The following STK10 variants were observed in gnomAD, a reference collection of about 807,000 sequenced individuals.
STK10 encodes serine/threonine-protein kinase 10.
Under a neutral mutation model 113.8 loss-of-function variants are expected in STK10, and 78 were observed. The ratio of observed to expected loss-of-function variants is 0.69; its 90% CI spans 0.57 to 0.83. The LOEUF (loss-of-function observed/expected upper bound fraction) is 0.83. Among genes scored for constraint, STK10 ranks in the 40% least tolerant of loss-of-function variants. The probability of loss-of-function intolerance (pLI) is 0.00; values close to 1 mark genes in which losing one functional copy is unlikely to be tolerated. For synonymous variants in STK10, 465 were observed against 494.7 expected, an observed-to-expected ratio of 0.94 and a Z score of 0.80; for missense variants, 1,109 against 1,280.1, an observed-to-expected ratio of 0.87 and a Z score of 2.04.
chr5:172,096,804 C>T (rs1768865530), intron 7 of STK10, among the ~76,000 whole-genome samples: 1 of 152,202 alleles, frequency 6.6e-6, no homozygotes, highest in Non-Finnish European at 1.5e-5. Context: ...CTCTGAGCCA[C>T]AGGCTCCTCA....
intron 2 of STK10, among the ~76,000 whole-genome samples, chr5:172,152,528 T>C (rs1160640333): frequency 6.6e-6 from 1 of 152,200 alleles, no homozygotes; most frequent in Non-Finnish European, 1.5e-5. Flanking sequence ...CATCTAGAGC[T>C]TCACTGTCTA....
intron 1 of STK10, among the ~76,000 whole-genome samples, chr5:172,167,166 A>G (rs9687652): frequency 0.36 from 52,110 of 143,158 alleles, 9,024 homozygotes; most frequent in African/African-American, 0.52. Flanking sequence ...CTCAAAAAAA[A>G]AAAAAGAAAA....
intron 3 of STK10, 128 bp from the exon 4 acceptor site, chr5:172,117,758 TA>T (rs946191706): frequency 7.8e-7 from 1 of 1,283,386 alleles, no homozygotes; most frequent in African/African-American, 1.5e-5. Flanking sequence ...CTCACGCCTG[TA>T]ATCCCAGCAC....
At chr5:172,177,333 G>A (rs1770777281) in intron 1 of STK10, among the ~76,000 whole-genome samples, 1 of 152,196 alleles carries the variant, frequency 6.6e-6, no homozygotes, top group Non-Finnish European at 1.5e-5. Context: ...TCCAAACTAT[G>A]TGAAATAAAA....
chr5:172,085,016 G>A (rs1025305578), intron 10 of STK10, among the ~76,000 whole-genome samples: 3 of 152,122 alleles, frequency 2.0e-5, no homozygotes, highest in Non-Finnish European at 4.4e-5. Context: ...AGGCCGAGTT[G>A]GGAGGATCAC....
At position 172,090,266 on chromosome 5, in the gene STK10, C is replaced by T. The variant is rs148957159; in HGVS notation, c.1651G>A (p.Asp551Asn). Residue 551 changes from aspartate to asparagine, a missense_variant, in exon 10 of 19, where the codon GAT becomes AAT. Around this residue, in one of 5 missense-constraint regions of STK10, gnomAD observed 885 missense variants for 991.1 expected, o/e 0.89. Transcript: ENST00000176763. Reference protein sequence around the residue: ...SITTSKIISEDEKKDEEMRFL... With the variant: ...SITTSKIISENEKKDEEMRFL... ...CTCATCTCCTCATCCTTCTTCTCATCTTCGCTGATGATCTTGGAGGTGGTG... is the reference window on the plus strand; with the variant it reads ...CTCATCTCCTCATCCTTCTTCTCATTTTCGCTGATGATCTTGGAGGTGGTG... 3.7e-6 allele frequency: 6 copies of T among 1,614,052 alleles called. No individual in the cohort carries two copies. Among genetic ancestry groups the T allele is most frequent in the Non-Finnish European group, 5.1e-6 (6 of 1,180,036 alleles).
chr5:172,111,592 C>T (rs774216592), intron 4 of STK10, among the ~76,000 whole-genome samples: 15 of 152,226 alleles, frequency 9.9e-5, no homozygotes, highest in Non-Finnish European at 2.2e-4. Context: ...TAGCTGATGG[C>T]TGCCCTTGAG....
At chr5:172,180,728 G>A (rs1048402098) in intron 1 of STK10, among the ~76,000 whole-genome samples, 4 of 152,062 alleles carry the variant, frequency 2.6e-5, no homozygotes, top group African/African-American at 9.7e-5. Flanking sequence ...AGAATCACTT[G>A]AACCCAGGAA....
chr5:172,162,347 A>G (rs773464540), intron 1 of STK10, among the ~76,000 whole-genome samples: 1 of 152,092 alleles, frequency 6.6e-6, no homozygotes, highest in African/African-American at 2.4e-5. Flanking sequence ...CAAAAAATAA[A>G]TAAATAAAAA....
At chr5:172,139,549 T>C (rs962884184) in intron 2 of STK10, among the ~76,000 whole-genome samples, 7 of 148,000 alleles carry the variant, frequency 4.7e-5, no homozygotes, top group African/African-American at 1.7e-4. Context: ...CCTTGACATA[T>C]ATAGTCAAAT....
At chr5:172,167,096 G>A (rs1770585019) in intron 1 of STK10, among the ~76,000 whole-genome samples, 1 of 151,574 alleles carries the variant, frequency 6.6e-6, no homozygotes, top group African/African-American at 2.4e-5. Flanking sequence ...GGAGGCAGAG[G>A]TTGTGGTGAG....
intron 1 of STK10, among the ~76,000 whole-genome samples, chr5:172,163,130 T>G (rs1176622922): frequency 6.6e-6 from 1 of 152,158 alleles, no homozygotes; most frequent in Non-Finnish European, 1.5e-5. Context: ...CGGCTGATGA[T>G]AAAAACAGCT....
At chr5:172,167,630 C>CT (rs1407308113) in intron 1 of STK10, among the ~76,000 whole-genome samples, 1 of 152,228 alleles carries the variant, frequency 6.6e-6, no homozygotes, top group Non-Finnish European at 1.5e-5. Context: ...CACCCTCGTT[C>CT]TTTCGGAACC....
In STK10 at chr5:172,133,331, G is replaced by A. The variant is rs887272426; in HGVS notation, c.322-5910C>T. The stretch of plus-strand genomic sequence containing the variant: ...AAACAGTGGGTTGGGGACAAACAGC[G>A]AAGAGGCCATTTCATGAGTCCTGAT... On this transcript the variant is annotated intron_variant, in intron 2 of 18. Coordinates refer to ENST00000176763, the MANE Select transcript of STK10 (RefSeq NM_005990.4). This position sits in a 1 kb window ranked among gnomAD's most constrained non-coding sequence, Gnocchi z 4.9. 8.5e-5 allele frequency among the ~76,000 whole-genome samples: 13 copies of A among 152,282 alleles called. No individual in the cohort carries two copies. The highest frequency in any genetic ancestry group is 3.9e-4 in the East Asian group (2 of 5,182).
rs765467967 is a variant in STK10, at chr5:172,156,657, G to C, written c.288C>G (p.Leu96=). 1.2e-6 allele frequency: 2 copies of C among 1,613,936 alleles called. No individual in the cohort carries two copies. Among genetic ancestry groups the C allele is most frequent in the Admixed American group, 3.3e-5 (2 of 60,006 alleles). ...ATCDHPYIVK[L]LGAYYHDGKL... Reference sequence around the variant, plus strand: ...TCCCGTCGTGATAGTAGGCTCCCAGGAGCTTCACAATGTAGGGGTGGTCGC... The same window carrying C: ...TCCCGTCGTGATAGTAGGCTCCCAGCAGCTTCACAATGTAGGGGTGGTCGC... The change falls in exon 2 of 19, where the codon CTC becomes CTG. Residue 96 remains leucine, a synonymous_variant. Coordinates refer to ENST00000176763, the MANE Select transcript of STK10 (RefSeq NM_005990.4).
At chr5:172,163,257 G>C (rs1305870671) in intron 1 of STK10, among the ~76,000 whole-genome samples, 1 of 152,164 alleles carries the variant, frequency 6.6e-6, no homozygotes, top group African/African-American at 2.4e-5. Context: ...TGAGGAAAAA[G>C]ATTCAGAGAG....
chr5:172,113,254 G>C (rs1769281585), intron 4 of STK10, among the ~76,000 whole-genome samples: 2 of 152,054 alleles, frequency 1.3e-5, no homozygotes, highest in East Asian at 3.9e-4. Flanking sequence ...CAGCACGGAG[G>C]GCATGCCGGC....
intron 4 of STK10, 178 bp from the exon 5 acceptor site, chr5:172,108,030 C>A: frequency 3.4e-6 from 2 of 581,126 alleles, no homozygotes; most frequent in South Asian, 4.3e-5. Flanking sequence ...CCGAGATGAA[C>A]ACTTTCCTCT....
intron 1 of STK10, among the ~76,000 whole-genome samples, chr5:172,181,466 C>T (rs1419927931): frequency 1.3e-5 from 2 of 150,454 alleles, no homozygotes; most frequent in East Asian, 1.9e-4. Flanking sequence ...GCCTGGCATA[C>T]GATTATTTAA....
Sources: gnomAD v4.1 joint callset for allele counts (sites outside exome capture counted in the v4.1 genomes callset) on GRCh38, gnomAD v4.1.1 for gene constraint, gnomAD v4.1.1 regional missense constraint, Gnocchi (gnomAD v3.1) non-coding constraint, MANE v1.5 for transcripts, NCBI Gene and HGNC (gene_info 2026-07-23, HGNC 2026-07-21) for gene names.